The following DMXL2 variants were observed in gnomAD, a reference collection of about 807,000 sequenced individuals.
DMXL2 encodes dmX-like protein 2.
Under a neutral mutation model 331.1 loss-of-function variants are expected in DMXL2, and 103 were observed. That is an observed-to-expected ratio of 0.31 (90% confidence interval 0.27 to 0.37). The LOEUF (loss-of-function observed/expected upper bound fraction) is 0.37, where lower values mean the gene tolerates loss of function less well. Among genes scored for constraint, DMXL2 ranks in the 10% least tolerant of loss-of-function variants. The pLI is 1.00. For missense variants in DMXL2, 3,171 were observed against 3,642.9 expected (o/e 0.87, Z 3.33); for synonymous variants, 1,281 against 1,252.1 (o/e 1.02, Z -0.49).
chr15:51,592,504 T>A (rs945447637), intron 1 of DMXL2, among the ~76,000 whole-genome samples: 15 of 152,126 alleles, frequency 9.9e-5, no homozygotes, highest in Non-Finnish European at 1.5e-5. Flanking sequence ...CAGGATATTA[T>A]CCAGGAGAAC....
chr15:51,593,991 T>G (rs1439293423), intron 1 of DMXL2, among the ~76,000 whole-genome samples: 1 of 151,714 alleles, frequency 6.6e-6, no homozygotes, highest in Non-Finnish European at 1.5e-5. Context: ...CACCCTAACA[T>G]CACAATTAAA....
At chr15:51,487,181 ACCT>A (rs1293052430) in intron 22 of DMXL2, among the ~76,000 whole-genome samples, 2 of 152,148 alleles carry the variant, frequency 1.3e-5, no homozygotes, top group Non-Finnish European at 2.9e-5. Context: ...GGGAAGTTTT[ACCT>A]CCTCACATCG....
At chr15:51,511,332 TAAAC>T (rs1205814380) in intron 15 of DMXL2, among the ~76,000 whole-genome samples, 1 of 152,086 alleles carries the variant, frequency 6.6e-6, no homozygotes, top group African/African-American at 2.4e-5. Flanking sequence ...ATAAGGAACT[TAAAC>T]AAATTTACAA....
At chr15:51,492,081 G>T (rs1419886438) in intron 19 of DMXL2, among the ~76,000 whole-genome samples, 1 of 152,162 alleles carries the variant, frequency 6.6e-6, no homozygotes, top group Non-Finnish European at 1.5e-5. Flanking sequence ...TTATCAAGAG[G>T]TCATAAGAGC....
Position 51,537,687 on chromosome 15 carries a change from C to T in DMXL2, c.1418G>A (p.Ser473Asn), listed in dbSNP as rs1356908444. 1 of 1,601,750 alleles carries T rather than the reference C, an allele frequency of 6.2e-7. No homozygotes were observed. The highest frequency in any genetic ancestry group is 8.6e-7 in the Non-Finnish European group (1 of 1,168,916). ...SEHEDGEREG[S>N]PRTYSRLSVP... The stretch of plus-strand genomic sequence containing the variant: ...ACTAAGTCGTGAGTAAGTTCTAGGA[C>T]TTCCTTCTCTTTCTCCATCTTCATG... The change falls in exon 11 of 44, where the codon AGT becomes AAT. Residue 473 changes from serine (S) to asparagine (N), a missense_variant. Physicochemically the swap from Ser to Asn is conservative, Grantham distance 46 (BLOSUM62 1). Transcript: ENST00000560891.
Position 51,483,654 on chromosome 15 carries a change from G to A in DMXL2, c.5483-2031C>T, listed in dbSNP as rs117770942. On this transcript the variant is annotated intron_variant, in intron 23 of 43. Coordinates refer to ENST00000560891, the MANE Select transcript of DMXL2 (RefSeq NM_001378457.1). ...CAGGACCTCAGAAACAGCGTGCAGC[G>A]CCCCTGCTCCCTGCACTCAGAGTTC... is the stretch of plus-strand genomic sequence containing the variant. 1.3e-4 allele frequency among the ~76,000 whole-genome samples: 19 copies of A among 151,226 alleles called. No individual in the cohort carries two copies. In the East Asian group the frequency reaches 3.4e-3, roughly 27 times the overall value.
intron 13 of DMXL2, among the ~76,000 whole-genome samples, chr15:51,521,220 C>T (rs930270791): frequency 6.6e-6 from 1 of 152,058 alleles, no homozygotes; most frequent in Admixed American, 6.5e-5. Context: ...GGGTTCAAAT[C>T]CTGGTCCTAC....
chr15:51,493,073 C>T (rs2042920568), intron 19 of DMXL2, among the ~76,000 whole-genome samples: 1 of 152,066 alleles, frequency 6.6e-6, no homozygotes, highest in Middle Eastern at 3.2e-3. Context: ...ATTAATGCAA[C>T]ATGTCTTGGC....
intron 33 of DMXL2, chr15:51,460,336 T>G (rs1442913787): frequency 2.0e-6 from 2 of 985,298 alleles, no homozygotes; most frequent in Admixed American, 1.2e-4. Context: ...CCATTCAAAT[T>G]TTCTGCCCAT....
intron 1 of DMXL2, among the ~76,000 whole-genome samples, chr15:51,589,773 G>A (rs778826848): frequency 6.6e-6 from 1 of 152,122 alleles, no homozygotes; most frequent in Non-Finnish European, 1.5e-5. Context: ...AACTTTTCTG[G>A]AAAATAATTC....
intron 42 of DMXL2, among the ~76,000 whole-genome samples, chr15:51,451,214 C>T (rs1383556492): frequency 6.6e-6 from 1 of 152,092 alleles, no homozygotes; most frequent in Admixed American, 6.5e-5. Context: ...GATAGCTTGA[C>T]CCTAGGAGCT....
At chr15:51,481,868 A>G (rs1206425401) in intron 23 of DMXL2, among the ~76,000 whole-genome samples, 1 of 152,200 alleles carries the variant, frequency 6.6e-6, no homozygotes, top group Non-Finnish European at 1.5e-5. Context: ...GAAAAAGAAG[A>G]TGCAGAAAGT....
At chr15:51,525,263 G>C (rs2047605446) in intron 13 of DMXL2, among the ~76,000 whole-genome samples, 1 of 151,962 alleles carries the variant, frequency 6.6e-6, no homozygotes, top group East Asian at 1.9e-4. Context: ...CTGTGCCAGG[G>C]GTCTTGGATG....
chr15:51,457,137 A>C (rs1414495553), intron 37 of DMXL2, 191 bp downstream of exon 37: 3 of 595,466 alleles, frequency 5.0e-6, no homozygotes, highest in Non-Finnish European at 8.3e-6. Flanking sequence ...GCACCACTGC[A>C]CTCCAGCCTG....
At chr15:51,588,643 A>G (rs1306793723) in intron 1 of DMXL2, among the ~76,000 whole-genome samples, 1 of 152,332 alleles carries the variant, frequency 6.6e-6, no homozygotes, top group Non-Finnish European at 1.5e-5. Context: ...CTAAATGTTG[A>G]TATTTTGAGG....
At chr15:51,488,516 GTT>G in intron 21 of DMXL2, 30 bp downstream of exon 21, 2 of 1,543,660 alleles carry the variant, frequency 1.3e-6, no homozygotes, top group Non-Finnish European at 1.8e-6. Flanking sequence ...TCTTCATTCT[GTT>G]GAATCACGTT....
At chr15:51,533,368 AG>A (rs1166853286) in intron 13 of DMXL2, among the ~76,000 whole-genome samples, 2 of 152,118 alleles carry the variant, frequency 1.3e-5, no homozygotes, top group Non-Finnish European at 1.5e-5. Flanking sequence ...AGACTATGAG[AG>A]GTTAAAGATG....
In DMXL2 at chr15:51,500,105, C is replaced by G; in HGVS notation, c.3119G>C (p.Ser1040Thr). The change falls in exon 18 of 44, where the codon AGT becomes ACT. Residue 1040 changes from serine to threonine, a missense_variant. Transcript: ENST00000560891. ...CCAATGATAAATTTCTTTCTCATCA[C>G]TTTTATTACACTCTGGGTTGGCTTC... ...CMEANPECNK[S>T]DEKEIYHWKR... is the part of the protein sequence containing the mutation. The G allele has an allele frequency of 1.2e-6, 2 of 1,614,164 alleles. No homozygotes were observed. Among genetic ancestry groups the G allele is most frequent in the Admixed American group, 1.7e-5 (1 of 60,032 alleles).
chr15:51,488,445 T>C lies in DMXL2; in HGVS notation c.5051+103A>G, dbSNP rs2042558383. The C allele has an allele frequency of 2.5e-5, 26 of 1,020,986 alleles. 1 individual carries two copies. In the South Asian group the frequency reaches 2.9e-4, roughly 11 times the overall value. The allele number at this position is 1,020,986 out of a possible 1,614,324, so 63.2% of individuals were successfully genotyped here. On this transcript the variant is annotated intron_variant, in intron 21 of 43. Coordinates refer to ENST00000560891, the MANE Select transcript of DMXL2 (RefSeq NM_001378457.1). ...GGAACCAGGTCGCATAGAAGTGGAT[T>C]TGATGAAGCTCATATACCTAATTAT...
Sources: gnomAD v4.1 joint callset for allele counts (sites outside exome capture counted in the v4.1 genomes callset) on GRCh38, gnomAD v4.1.1 for gene constraint, MANE v1.5 for transcripts, NCBI Gene and HGNC (gene_info 2026-07-23, HGNC 2026-07-21) for gene names.